RPS6KC1: variants seen among roughly 807,000 people sequenced by gnomAD.
The protein encoded by RPS6KC1 is ribosomal protein S6 kinase C1.
Under a neutral mutation model 103.8 loss-of-function variants are expected in RPS6KC1, and 54 were observed. The ratio of observed to expected loss-of-function variants is 0.52; its 90% CI spans 0.42 to 0.65. RPS6KC1 has a LOEUF of 0.65. RPS6KC1 is among the 30% of genes least tolerant of loss of function. The pLI, the probability that RPS6KC1 is intolerant of heterozygous loss-of-function variation, is 0.00. For missense variants in RPS6KC1, 1,151 were observed against 1,253.8 expected, an observed-to-expected ratio of 0.92 and a Z score of 1.24; for synonymous variants, 439 against 438.7, an observed-to-expected ratio of 1.00 and a Z score of -0.01.
At chr1:213,271,262 C>A (rs1034511733) in intron 14 of RPS6KC1, among the ~76,000 whole-genome samples, 16 of 152,128 alleles carry the variant, frequency 1.1e-4, no homozygotes, top group African/African-American at 3.9e-4. Flanking sequence ...CCTGTTGATA[C>A]CTGCTACAGT....
chr1:213,442,638 C>T, the RPS6KC1 span, among the ~76,000 whole-genome samples: 2 of 152,186 alleles, frequency 1.3e-5, no homozygotes, highest in Non-Finnish European at 2.9e-5. Flanking sequence ...GTTAAGTGTA[C>T]TAAATGATAA....
chr1:213,792,393 C>G, the RPS6KC1 span, among the ~76,000 whole-genome samples: 1 of 152,142 alleles, frequency 6.6e-6, no homozygotes, highest in Non-Finnish European at 1.5e-5. Context: ...GGCAGGCCAG[C>G]TCTCATCTCA....
At chr1:213,737,986 G>T in the RPS6KC1 span, among the ~76,000 whole-genome samples, 1 of 152,090 alleles carries the variant, frequency 6.6e-6, no homozygotes, top group Non-Finnish European at 1.5e-5. Flanking sequence ...TTCTAAATAG[G>T]GTAGTGAATA....
intron 10 of RPS6KC1, among the ~76,000 whole-genome samples, chr1:213,240,112 T>G (rs1030261839): frequency 5.3e-5 from 8 of 152,182 alleles, no homozygotes; most frequent in Admixed American, 3.9e-4. Context: ...GTAGCTTTAC[T>G]TATATAACAT....
the RPS6KC1 span, among the ~76,000 whole-genome samples, chr1:213,603,115 AG>A: frequency 3.9e-5 from 6 of 152,238 alleles, no homozygotes; most frequent in Non-Finnish European, 8.8e-5. Flanking sequence ...CAAACCCAGT[AG>A]GGCAGATATT....
At chr1:213,319,349 C>T in the RPS6KC1 span, among the ~76,000 whole-genome samples, 1 of 145,656 alleles carries the variant, frequency 6.9e-6, no homozygotes, top group Non-Finnish European at 1.5e-5. Context: ...AAGGTGCTGT[C>T]ATGGAGAGTA....
chr1:213,756,865 C>A, the RPS6KC1 span, among the ~76,000 whole-genome samples: 3 of 151,986 alleles, frequency 2.0e-5, no homozygotes, highest in African/African-American at 4.8e-5. Flanking sequence ...CTGCCTCGGC[C>A]CCCCCAAAGT....
the RPS6KC1 span, among the ~76,000 whole-genome samples, chr1:213,626,838 T>G: frequency 2.6e-5 from 4 of 152,174 alleles, no homozygotes; most frequent in Admixed American, 2.6e-4. Flanking sequence ...AGCTTTGTAG[T>G]ATGGTTGAAG....
chr1:213,677,643 G>T, the RPS6KC1 span, among the ~76,000 whole-genome samples: 4 of 152,246 alleles, frequency 2.6e-5, no homozygotes, highest in South Asian at 4.1e-4. Context: ...CATTGTATGT[G>T]GGGGGAGATG....
At chr1:213,852,496 T>A in the RPS6KC1 span, among the ~76,000 whole-genome samples, 1 of 152,198 alleles carries the variant, frequency 6.6e-6, no homozygotes, top group Non-Finnish European at 1.5e-5. Context: ...TACTACTTCT[T>A]TTTTTGCAGT....
chr1:213,511,670 T>C, the RPS6KC1 span, among the ~76,000 whole-genome samples: 3 of 152,334 alleles, frequency 2.0e-5, no homozygotes, highest in East Asian at 5.8e-4. Flanking sequence ...CAGATCTCCT[T>C]ACTTTTCCTC....
At chr1:213,565,696 A>G in the RPS6KC1 span, among the ~76,000 whole-genome samples, 3 of 152,228 alleles carry the variant, frequency 2.0e-5, no homozygotes, top group Non-Finnish European at 4.4e-5. Flanking sequence ...TTGCACACCA[A>G]TGTACACTTA....
chr1:213,717,557 C>T, the RPS6KC1 span, among the ~76,000 whole-genome samples: 420 of 152,218 alleles, frequency 2.8e-3, 1 homozygote, highest in African/African-American at 8.9e-3. Flanking sequence ...AAACTAGAAA[C>T]GTAGAAGACT....
At chr1:213,215,375 A>C (rs557265758) in intron 8 of RPS6KC1, among the ~76,000 whole-genome samples, 15 of 152,378 alleles carry the variant, frequency 9.8e-5, no homozygotes, top group African/African-American at 3.4e-4. Flanking sequence ...ATGTGGGACT[A>C]TGGGAAAAGA....
chr1:213,231,079 T>C (rs1000269172), intron 9 of RPS6KC1, among the ~76,000 whole-genome samples: 7 of 152,180 alleles, frequency 4.6e-5, no homozygotes, highest in South Asian at 2.1e-4. Context: ...TTTAACAACA[T>C]TGTTTTTGAT....
chr1:213,514,161 T>G, the RPS6KC1 span, among the ~76,000 whole-genome samples: 1 of 152,346 alleles, frequency 6.6e-6, no homozygotes, highest in East Asian at 1.9e-4. Flanking sequence ...CTCAGCATTC[T>G]TACACCTAAT....
intron 6 of RPS6KC1, among the ~76,000 whole-genome samples, chr1:213,160,216 C>A (rs532918543): frequency 6.6e-6 from 1 of 152,242 alleles, no homozygotes; most frequent in East Asian, 1.9e-4. Context: ...ATAGCCAGGT[C>A]ATTATACAGA....
chr1:213,216,754 C>T (rs1255275780), intron 8 of RPS6KC1, among the ~76,000 whole-genome samples: 1 of 149,410 alleles, frequency 6.7e-6, no homozygotes, highest in Non-Finnish European at 1.5e-5. Context: ...AACTGAACAA[C>T]CTGCTCCTGA....
the RPS6KC1 span, among the ~76,000 whole-genome samples, chr1:213,607,915 G>A: frequency 2.2e-3 from 338 of 152,134 alleles, 1 homozygote; most frequent in African/African-American, 7.9e-3. Flanking sequence ...TGCTTAGAGG[G>A]GCTCTTCTCA....
Sources: allele counts gnomAD v4.1 joint callset (sites outside exome capture counted in the v4.1 genomes callset), GRCh38; gene constraint gnomAD v4.1.1; transcripts MANE v1.5; gene names NCBI Gene and HGNC (gene_info 2026-07-23, HGNC 2026-07-21).